Variants in CCDC38 observed in about 807,000 individuals in gnomAD.
CCDC38 encodes coiled-coil domain-containing protein 38.
In CCDC38, 69 loss-of-function variants were observed where a neutral mutation model predicts 72.8. The observed-to-expected ratio is 0.95, with a 90% CI of 0.78 to 1.16. The LOEUF is 1.16. Ranked by LOEUF, CCDC38 falls within the 50% of genes most tolerant of loss-of-function variation. The probability of loss-of-function intolerance (pLI) is 0.00; values close to 1 mark genes in which losing one functional copy is unlikely to be tolerated. For synonymous variants in CCDC38, 201 were observed against 213.2 expected, an observed-to-expected ratio of 0.94 and a Z score of 0.50; for missense variants, 626 against 638.9, an observed-to-expected ratio of 0.98 and a Z score of 0.22.
chr12:95,919,996 A>G (rs2080186978), intron 2 of CCDC38, among the ~76,000 whole-genome samples: 1 of 152,234 alleles, frequency 6.6e-6, no homozygotes, highest in African/African-American at 2.4e-5. Context: ...TATACCAAAG[A>G]GAAATGAAAG....
At chr12:95,892,276 A>ATATT (rs1450670029) in intron 8 of CCDC38, among the ~76,000 whole-genome samples, 1 of 100,206 alleles carries the variant, frequency 1.0e-5, no homozygotes, top group African/African-American at 4.6e-5. Flanking sequence ...ACTTATTACA[A>ATATT]TCTTTTTTTT....
At chr12:95,880,949 A>C (rs1404275478) in intron 11 of CCDC38, among the ~76,000 whole-genome samples, 1 of 152,130 alleles carries the variant, frequency 6.6e-6, no homozygotes, top group East Asian at 1.9e-4. Context: ...GCACACTTAA[A>C]ATGGCTAAAA....
At chr12:95,902,572 G>A (rs2079961095) in intron 5 of CCDC38, among the ~76,000 whole-genome samples, 1 of 152,046 alleles carries the variant, frequency 6.6e-6, no homozygotes, top group Admixed American at 6.6e-5. Context: ...TTATTGCTGA[G>A]TAGTAATCAG....
At position 95,890,899 on chromosome 12, in the gene CCDC38, G is replaced by GCCTT; in HGVS notation, c.800_803dup (p.Ile269ArgfsTer4). ...CTGTCCTCCCGGACTCCTCAAGGAT[G>GCCTT]CCTTCCTTGTTACTTGAATGTAATG... is the stretch of plus-strand genomic sequence containing the variant. On this transcript the variant is annotated frameshift_variant, in exon 9 of 16. Transcript: ENST00000344280. LOFTEE classifies it high-confidence loss of function. The GCCTT allele has an allele frequency of 6.2e-7, 1 of 1,603,644 alleles. No homozygotes were observed. Among genetic ancestry groups the GCCTT allele is most frequent in the Middle Eastern group, 1.7e-4 (1 of 6,040 alleles).
intron 4 of CCDC38, among the ~76,000 whole-genome samples, chr12:95,911,313 C>T (rs2080092121): frequency 6.6e-6 from 1 of 152,172 alleles, no homozygotes; most frequent in Non-Finnish European, 1.5e-5. Flanking sequence ...GGGACATACT[C>T]TTCCAGACAT....
chr12:95,938,319 T>G (rs1426099696), intron 1 of CCDC38, among the ~76,000 whole-genome samples: 8 of 152,118 alleles, frequency 5.3e-5, no homozygotes, highest in Non-Finnish European at 1.5e-5. Flanking sequence ...ATTTGTAGAT[T>G]TTCTCAATTT....
Position 95,872,454 on chromosome 12 carries a change from G to C in CCDC38, c.1285C>G (p.Leu429Val). 6.2e-7 allele frequency: 1 copy of C among 1,609,702 alleles called. No individual in the cohort carries two copies. The highest frequency in any genetic ancestry group is 1.1e-5 in the South Asian group (1 of 90,952). Residue 429 changes from leucine to valine, a missense_variant, in exon 14 of 16, where the codon CTG (leucine) becomes GTG (valine). Physicochemically the swap from Leu to Val is conservative, Grantham distance 32. Transcript: ENST00000344280. ...ATCTTTTTACTAAGTGAGTCTATCA[G>C]TATTTCCTGAGATTGAGAAGAGCAG... ...GEFNSDAQEI[L>V]IDSLSKKITQ...
chr12:95,916,877 A>G (rs1329653445), intron 4 of CCDC38, among the ~76,000 whole-genome samples: 1 of 152,156 alleles, frequency 6.6e-6, no homozygotes, highest in Non-Finnish European at 1.5e-5. Flanking sequence ...GCAAACTTTA[A>G]TACTACATTC....
chr12:95,927,916 T>A (rs1050871621), intron 2 of CCDC38, among the ~76,000 whole-genome samples: 3 of 150,350 alleles, frequency 2.0e-5, no homozygotes, highest in African/African-American at 7.4e-5. Flanking sequence ...CCACTGTTAG[T>A]CTGATGGGCT....
intron 4 of CCDC38, among the ~76,000 whole-genome samples, chr12:95,907,795 CCCGGA>C (rs1242549266): frequency 4.6e-5 from 7 of 151,290 alleles, no homozygotes; most frequent in African/African-American, 1.5e-4. Context: ...CTCCTCACAT[CCCGGA>C]CGGGGCGACA....
intron 2 of CCDC38, among the ~76,000 whole-genome samples, chr12:95,930,479 ACAT>A (rs1592806882): frequency 1.3e-5 from 2 of 152,086 alleles, no homozygotes; most frequent in Non-Finnish European, 2.9e-5. Flanking sequence ...TCCATTCTTC[ACAT>A]GACCTTCCCC....
At chr12:95,892,617 T>G (rs1306555069) in intron 8 of CCDC38, among the ~76,000 whole-genome samples, 1 of 148,644 alleles carries the variant, frequency 6.7e-6, no homozygotes, top group East Asian at 2.0e-4. Context: ...AGGGTCTGCC[T>G]GGAGTGCAGT....
chr12:95,881,368 C>T, intron 11 of CCDC38, 117 bp downstream of exon 11: 1 of 704,354 alleles, frequency 1.4e-6, no homozygotes, highest in Non-Finnish European at 2.3e-6. Context: ...AATTATATTT[C>T]TTTCTGGAAG....
At chr12:95,870,033 A>G (rs1041068209) in intron 14 of CCDC38, among the ~76,000 whole-genome samples, 2 of 152,132 alleles carry the variant, frequency 1.3e-5, no homozygotes, top group African/African-American at 4.8e-5. Context: ...CATGTTTCCC[A>G]GGCCGGTCTC....
intron 1 of CCDC38, among the ~76,000 whole-genome samples, chr12:95,940,445 T>G (rs1214025768): frequency 6.6e-6 from 1 of 152,042 alleles, no homozygotes. Flanking sequence ...TTTGTTTTTT[T>G]GCAACAACCC....
chr12:95,920,525 G>A (rs931857744), intron 2 of CCDC38, among the ~76,000 whole-genome samples: 4 of 152,188 alleles, frequency 2.6e-5, no homozygotes, highest in African/African-American at 7.2e-5. Flanking sequence ...TTTGCCCAGA[G>A]AAAGGAATGA....
intron 2 of CCDC38, among the ~76,000 whole-genome samples, chr12:95,920,083 C>A (rs1457198332): frequency 6.6e-6 from 1 of 152,168 alleles, no homozygotes. Context: ...TAGAGACAAC[C>A]TAGATATCTG....
chr12:95,870,761 T>G (rs978539201), intron 14 of CCDC38, among the ~76,000 whole-genome samples: 1 of 152,174 alleles, frequency 6.6e-6, no homozygotes, highest in African/African-American at 2.4e-5. Flanking sequence ...CACCATGATA[T>G]AGTCTGGACA....
At chr12:95,925,446 A>G (rs2080258066) in intron 2 of CCDC38, among the ~76,000 whole-genome samples, 2 of 152,186 alleles carry the variant, frequency 1.3e-5, no homozygotes. Context: ...TGGGGCTGAG[A>G]CGATGGGGTT....
Sources: allele counts gnomAD v4.1 joint callset (sites outside exome capture counted in the v4.1 genomes callset), GRCh38; gene constraint gnomAD v4.1.1; transcripts MANE v1.5; gene names NCBI Gene and HGNC (gene_info 2026-07-23, HGNC 2026-07-21).